The following POMT1 variants were observed in gnomAD, a reference collection of about 807,000 sequenced individuals.
POMT1 encodes the protein protein O-mannosyltransferase 1.
A neutral mutation model predicts 101.6 loss-of-function variants in POMT1; 85 were observed. The ratio of observed to expected loss-of-function variants is 0.84; its 90% CI spans 0.70 to 1.00. The LOEUF is 1.00. Ranked by LOEUF, POMT1 falls within the 50% of genes least tolerant of loss-of-function variation. POMT1 has a pLI of 0.00. For missense variants in POMT1, 857 were observed against 930.4 expected (o/e 0.92, Z 1.03); for synonymous variants, 371 against 383.0 (o/e 0.97, Z 0.37).
In POMT1 at chr9:131,503,593, TCAAGAGAAGCGGAGCTC is replaced by T; in HGVS notation, c.-31+521_-31+537del. On this transcript the variant is annotated intron_variant, in intron 1 of 19. Coordinates refer to ENST00000402686, the MANE Select transcript of POMT1 (RefSeq NM_001077365.2). The surrounding 1 kb of genome is among the most constrained non-coding windows in gnomAD (Gnocchi z 4.4). ...AGGGTGTCCCAGGCCTGATGCAGCC[TCAAGAGAAGCGGAGCTC>T]AAGGGAAGATGAAGCCTGGAGGAGA... Among the ~76,000 whole-genome samples, 1 of 152,112 alleles carries T rather than the reference TCAAGAGAAGCGGAGCTC, an allele frequency of 6.6e-6. No homozygotes were observed. The highest frequency in any genetic ancestry group is 1.5e-5 in the Non-Finnish European group (1 of 68,016).
intron 13 of POMT1, among the ~76,000 whole-genome samples, chr9:131,517,135 G>A (rs1163634541): frequency 3.3e-5 from 5 of 152,130 alleles, no homozygotes; most frequent in East Asian, 1.9e-4. Flanking sequence ...TGGCTTCAGC[G>A]CTTTCTGCCT....
In POMT1 at chr9:131,512,069, C is replaced by T. The variant is rs756973046; in HGVS notation, c.1015C>T (p.Gln339Ter). Residue 339 changes from glutamine (Q) to a stop codon, truncating the protein, a stop_gained, in exon 11 of 20, where the codon CAG becomes TAG. Transcript: ENST00000402686. LOFTEE classifies it high-confidence loss of function. Reference sequence around the variant, plus strand: ...TGAGAACGGCCGAGGCAGCTCCCACCAGCAACAGGTGACCTGTTACCCCTT... The same window carrying T: ...TGAGAACGGCCGAGGCAGCTCCCACTAGCAACAGGTGACCTGTTACCCCTT... ...IYENGRGSSH[Q>*]QQVTCYPFKD... The T allele has an allele frequency of 2.5e-6, 4 of 1,614,130 alleles. No homozygotes were observed. The South Asian group carries it at 4.4e-5, about 18-fold the overall frequency.
chr9:131,509,722 T>A (rs769272232), intron 6 of POMT1, 21 bp from the exon 7 acceptor site: 2 of 1,614,104 alleles, frequency 1.2e-6, no homozygotes, highest in African/African-American at 2.7e-5. Flanking sequence ...TCTGTCTCCA[T>A]CTGCTTTGTT....
rs944395524 is a variant in POMT1 at position 131,519,883 on chromosome 9, G to C, written c.1585-197G>C. On this transcript the variant is annotated intron_variant, in intron 16 of 19. Coordinates refer to ENST00000402686, the MANE Select transcript of POMT1 (RefSeq NM_001077365.2). This position sits in a 1 kb window ranked among gnomAD's most constrained non-coding sequence, Gnocchi z 4.3. ...CAGAGGAGGTAACTGGAGCACATAGGGTGGGGCGACCCTCCCAAGGCCACA... is the reference window on the plus strand; with the variant it reads ...CAGAGGAGGTAACTGGAGCACATAGCGTGGGGCGACCCTCCCAAGGCCACA... Among the ~76,000 whole-genome samples the C allele has an allele frequency of 3.3e-5, 5 of 152,186 alleles. No homozygotes were observed. Among genetic ancestry groups the C allele is most frequent in the African/African-American group, 9.7e-5 (4 of 41,442 alleles).
intron 5 of POMT1, 62 bp downstream of exon 5, chr9:131,507,576 G>T: frequency 6.2e-7 from 1 of 1,606,520 alleles, no homozygotes; most frequent in Non-Finnish European, 8.5e-7. Flanking sequence ...CCTTTGGCCC[G>T]GAAGATCACA....
intron 13 of POMT1, 30 bp from the exon 14 acceptor site, chr9:131,518,415 T>G: frequency 1.3e-5 from 21 of 1,563,054 alleles, no homozygotes; most frequent in Non-Finnish European, 1.6e-5. Context: ...TGAAAAGGAA[T>G]GAAATAATCC....
intron 13 of POMT1, among the ~76,000 whole-genome samples, chr9:131,515,764 TCTAACATGGAGCACTTCCTGTAA>T (rs1948239291): frequency 2.8e-5 from 1 of 35,322 alleles, no homozygotes; most frequent in Non-Finnish European, 8.2e-5. Context: ...GAGCACTTCC[TCTAACATGGAGCACTTCCTGTAA>T]CACAGGACAC....
At position 131,519,450 on chromosome 9, in the gene POMT1, G is replaced by C. The variant is rs1471379936; in HGVS notation, c.1548G>C (p.Arg516Ser). 7 of 1,551,270 alleles carry C rather than the reference G, an allele frequency of 4.5e-6. No individual in the cohort carries two copies. The East Asian group carries it at 1.7e-4, about 38-fold the overall frequency. Residue 516 changes from arginine to serine, a missense_variant, in exon 16 of 20, where the codon AGG becomes AGC. Coordinates refer to ENST00000402686, the MANE Select transcript of POMT1 (RefSeq NM_001077365.2). This position sits in a 1 kb window ranked among gnomAD's most constrained non-coding sequence, Gnocchi z 4.3. ...CACCTGCGCAGGTGGACGTCAGCAG[G>C]AACCTCAGCTTCATGGCGAGATTCT... ...LHSPAQVDVS[R>S]NLSFMARFSE...
At chr9:131,517,258 TCTCA>T (rs1948900988) in intron 13 of POMT1, among the ~76,000 whole-genome samples, 2 of 148,508 alleles carry the variant, frequency 1.3e-5, no homozygotes, top group South Asian at 4.2e-4. Flanking sequence ...TGCGACTGGG[TCTCA>T]CTCTGTCACC....
In POMT1 at chr9:131,511,402, G is replaced by T. The variant is rs371243573; in HGVS notation, c.921G>T (p.Leu307=). 33 of 1,614,046 alleles carry T rather than the reference G, an allele frequency of 2.0e-5. No individual in the cohort carries two copies. In the African/African-American group the frequency reaches 4.4e-4, roughly 22 times the overall value. ...TGGCCTTTGGGTCCCAGGTCACTCT[G>T]AGGAACGTCTTTGGGAAACCTGTGC... The part of the protein sequence containing the change: ...LEVAFGSQVT[L]RNVFGKPVPC... The change falls in exon 10 of 20, where the codon CTG becomes CTT. Residue 307 remains leucine (L), a synonymous_variant. Coordinates refer to ENST00000402686, the MANE Select transcript of POMT1 (RefSeq NM_001077365.2).
At chr9:131,508,678 G>A (rs1018886280) in intron 5 of POMT1, among the ~76,000 whole-genome samples, 12 of 152,158 alleles carry the variant, frequency 7.9e-5, no homozygotes, top group Non-Finnish European at 1.3e-4. Context: ...CAGCCTGGGC[G>A]ACAGAGCAAG....
At position 131,515,444 on chromosome 9, in the gene POMT1, C is replaced by T. The variant is rs371653610; in HGVS notation, c.1194C>T (p.Pro398=). Reference sequence around the variant, plus strand: ...TTTCCAGGCATGATGTTGCAGCCCCCCTGAGCCCCCATTCACAGGAGGTCT... The same window carrying T: ...TTTCCAGGCATGATGTTGCAGCCCCTCTGAGCCCCCATTCACAGGAGGTCT... The part of the protein sequence containing the change: ...RSLNTHDVAA[P]LSPHSQEVSC... The change falls in exon 13 of 20, where the codon CCC becomes CCT. Residue 398 remains proline (P), a synonymous_variant. Coordinates refer to ENST00000402686, the MANE Select transcript of POMT1 (RefSeq NM_001077365.2). 5.0e-6 allele frequency: 8 copies of T among 1,614,216 alleles called. 1 individual carries two copies. In the South Asian group the frequency reaches 8.8e-5, roughly 18 times the overall value.
At chr9:131,510,085 T>TTCCTCCCTCTCCCTCTCCCTCTC in intron 8 of POMT1, 89 bp downstream of exon 8, 2 of 1,614,024 alleles carry the variant, frequency 1.2e-6, no homozygotes, top group Admixed American at 3.3e-5. Context: ...AAGACTCCAA[T>TTCCTCCCTCTCCCTCTCCCTCTC]CCTCAATGTT....
chr9:131,516,118 G>A (rs1401445730), intron 13 of POMT1, among the ~76,000 whole-genome samples: 2 of 106,852 alleles, frequency 1.9e-5, no homozygotes, highest in African/African-American at 3.6e-5. Context: ...CTCACAGGGA[G>A]CACTTCCTCA....
At chr9:131,513,130 G>A (rs775553705) in intron 11 of POMT1, 109 bp from the exon 12 acceptor site, 2 of 882,680 alleles carry the variant, frequency 2.3e-6, no homozygotes, top group African/African-American at 1.6e-5. Context: ...GCACACATGG[G>A]TTGGGAGGCA....
chr9:131,513,848 C>T (rs1232704233), intron 12 of POMT1, among the ~76,000 whole-genome samples: 1 of 152,188 alleles, frequency 6.6e-6, no homozygotes, highest in Non-Finnish European at 1.5e-5. Flanking sequence ...GCTCTCTCCA[C>T]CGCCTCCTTT....
chr9:131,511,507 T>G, intron 10 of POMT1, 40 bp downstream of exon 10: 1 of 1,611,562 alleles, frequency 6.2e-7, no homozygotes, highest in South Asian at 1.1e-5. Flanking sequence ...TTAAATGCTT[T>G]ATTTGCTCGT....
rs1944939101 is a variant in POMT1, at chr9:131,503,200, G to A, written c.-31+127G>A. ...GCGTCCCCGTCTTTCCGGAGCTGGG[G>A]GCGGGGTTCGGGCCCGGGCAGATGC... is the stretch of plus-strand genomic sequence containing the variant. On this transcript the variant is annotated intron_variant, in intron 1 of 19. Coordinates refer to ENST00000402686, the MANE Select transcript of POMT1 (RefSeq NM_001077365.2). The surrounding 1 kb of genome is among the most constrained non-coding windows in gnomAD (Gnocchi z 4.4). 1 of 152,356 alleles carries A rather than the reference G, an allele frequency of 6.6e-6. No individual in the cohort carries two copies. 9.4% of individuals were successfully genotyped at this position (152,356 alleles called of 1,614,324 possible).
In POMT1 at chr9:131,506,144, C is replaced by G. The variant is rs758851609; in HGVS notation, c.153C>G (p.Ile51Met). 9 of 1,613,948 alleles carry G rather than the reference C, an allele frequency of 5.6e-6. No individual in the cohort carries two copies. The highest frequency in any genetic ancestry group is 5.9e-6 in the Non-Finnish European group (7 of 1,179,974). ...VFDEVYYGQY[I>M]SFYMKQIFFL... ...ACGAAGTATATTATGGGCAGTACAT[C>G]TCTTTTTACATGAAACAAATCTTCT... Residue 51 changes from isoleucine (I) to methionine (M), a missense_variant, in exon 3 of 20, where the codon ATC becomes ATG. Coordinates refer to ENST00000402686, the MANE Select transcript of POMT1 (RefSeq NM_001077365.2).
Sources: allele counts gnomAD v4.1 joint callset (sites outside exome capture counted in the v4.1 genomes callset), GRCh38; gene constraint gnomAD v4.1.1; non-coding constraint Gnocchi (gnomAD v3.1); transcripts MANE v1.5; gene names NCBI Gene and HGNC (gene_info 2026-07-23, HGNC 2026-07-21).